Variants in PLEC observed in about 807,000 individuals in gnomAD.
PLEC encodes hemidesmosomal protein 1.
Under a neutral mutation model 392.8 loss-of-function variants are expected in PLEC, and 216 were observed. That is an observed-to-expected ratio of 0.55 (90% CI 0.49 to 0.62). The LOEUF (loss-of-function observed/expected upper bound fraction) is 0.62, where lower values mean the gene tolerates loss of function less well. PLEC is among the 20% of genes least tolerant of loss of function. The pLI is 0.00. For synonymous variants in PLEC, 3,621 were observed against 2,980.6 expected (o/e 1.21, Z -7.00); for missense variants, 6,863 against 6,563.4 (o/e 1.05, Z -1.58).
chr8:143,972,743 G>A (rs1833494496), intron 1 of PLEC, among the ~76,000 whole-genome samples: 1 of 152,246 alleles, frequency 6.6e-6, no homozygotes, highest in Non-Finnish European at 1.5e-5. Flanking sequence ...AGAATGGCCG[G>A]TGGGACCAGG....
In PLEC at chr8:143,923,842, C is replaced by T. The variant is rs781862804; in HGVS notation, c.6087G>A (p.Glu2029=). The T allele has an allele frequency of 1.9e-6, 3 of 1,588,840 alleles. No individual in the cohort carries two copies. The highest frequency in any genetic ancestry group is 2.6e-6 in the Non-Finnish European group (3 of 1,175,414). The change falls in exon 31 of 32, where the codon GAG becomes GAA. Residue 2029 remains glutamate, a synonymous_variant. Transcript: ENST00000345136. ...EEARRLRERA[E]QESARQLQLA... ...GCTGCAGCTGCCGCGCCGACTCCTG[C>T]TCCGCTCGCTCCCGCAGGCGCCGCG...
At chr8:143,965,364 G>C (rs1160995117) in intron 1 of PLEC, among the ~76,000 whole-genome samples, 1 of 151,578 alleles carries the variant, frequency 6.6e-6, no homozygotes, top group East Asian at 1.9e-4. Context: ...AAGTCCTACA[G>C]GATCCTGTCT....
At chr8:143,937,600 C>T in intron 3 of PLEC, 1 of 504,150 alleles carries the variant, frequency 2.0e-6, no homozygotes, top group Non-Finnish European at 3.8e-6. Context: ...CTCTGGGCAG[C>T]ACGGTGGACG....
intron 1 of PLEC, among the ~76,000 whole-genome samples, chr8:143,966,173 C>T (rs1426891801): frequency 6.6e-6 from 1 of 152,224 alleles, no homozygotes; most frequent in African/African-American, 2.4e-5. Context: ...CGTGGCCCTG[C>T]TTCCTCACGC....
chr8:143,924,814 C>A lies in PLEC; in HGVS notation c.5115G>T (p.Ala1705=). 6 of 1,540,592 alleles carry A rather than the reference C, an allele frequency of 3.9e-6. No homozygotes were observed. The highest frequency in any genetic ancestry group is 5.2e-6 in the Non-Finnish European group (6 of 1,149,846). ...EKQRQLAEGT[A]QQRLAAEQEL... Reference sequence around the variant, plus strand: ...CCTGCTCCGCGGCCAGGCGCTGCTGCGCGGTGCCTTCCGCCAGCTGCCGCT... The same window carrying A: ...CCTGCTCCGCGGCCAGGCGCTGCTGAGCGGTGCCTTCCGCCAGCTGCCGCT... The change falls in exon 31 of 32, where the codon GCG becomes GCT. Residue 1705 remains alanine, a synonymous_variant. Coordinates refer to ENST00000345136, the MANE Select transcript of PLEC (RefSeq NM_201384.3).
chr8:143,915,867 C>T lies in PLEC; in HGVS notation c.*310G>A, dbSNP rs1309230617. 1.3e-5 allele frequency: 3 copies of T among 238,650 alleles called. No homozygotes were observed. Among genetic ancestry groups the T allele is most frequent in the African/African-American group, 6.0e-5 (2 of 33,346 alleles). 14.8% of individuals were successfully genotyped at this position (238,650 alleles called of 1,614,324 possible). On this transcript the variant is annotated 3_prime_UTR_variant, in exon 32 of 32. Coordinates refer to ENST00000345136, the MANE Select transcript of PLEC (RefSeq NM_201384.3). ...CAGCTAGGACTGGCAGGCGGGCTAC[C>T]CTGGGAAGACAGGAGGGTGGGCTGG...
At position 143,935,052 on chromosome 8, in the gene PLEC, T is replaced by C. The variant is rs369229136; in HGVS notation, c.784A>G (p.Met262Val). 2.6e-5 allele frequency: 42 copies of C among 1,612,794 alleles called. No individual in the cohort carries two copies. Among genetic ancestry groups the C allele is most frequent in the Non-Finnish European group, 3.5e-5 (41 of 1,179,904 alleles). The change falls in exon 8 of 32, where the codon ATG becomes GTG. Residue 262 changes from methionine to valine, a missense_variant. By Grantham distance (21) the Met-to-Val change is conservative. Coordinates refer to ENST00000345136, the MANE Select transcript of PLEC (RefSeq NM_201384.3). The part of the protein sequence containing the change: ...ITYVSSLYDA[M>V]PRVPDVQDGV... ...TCCTGCACGTCCGGCACGCGGGGCA[T>C]GGCGTCATACAGCGACGAGACGTAG...
chr8:143,920,596 C>T lies in PLEC; in HGVS notation c.9225G>A (p.Arg3075=). The change falls in exon 32 of 32, where the codon CGG becomes CGA. Residue 3075 remains arginine (R), a synonymous_variant. Transcript: ENST00000345136. ...CACGCACTGCCTCGTCCACGGTCAGCCGGGCGCTGGTGGCGGGGTCGATGA... is the reference window on the plus strand; with the variant it reads ...CACGCACTGCCTCGTCCACGGTCAGTCGGGCGCTGGTGGCGGGGTCGATGA... The part of the protein sequence containing the change: ...GHIIDPATSA[R]LTVDEAVRAG... 2 of 1,609,878 alleles carry T rather than the reference C, an allele frequency of 1.2e-6. No individual in the cohort carries two copies. Among genetic ancestry groups the T allele is most frequent in the Non-Finnish European group, 1.7e-6 (2 of 1,179,874 alleles).
Position 143,919,852 on chromosome 8 carries a change from G to A in PLEC, c.9969C>T (p.Leu3323=), listed in dbSNP as rs781857020. 3 of 1,613,140 alleles carry A rather than the reference G, an allele frequency of 1.9e-6. No homozygotes were observed. The highest frequency in any genetic ancestry group is 2.2e-5 in the South Asian group (2 of 91,084). ...PASELLASGV[L]SRAQFEQLKD... is the part of the protein sequence containing the mutation. ...TGAGCTGCTCAAACTGGGCTCTGCTGAGGACCCCGGAAGCCAGGAGCTCGC... is the reference window on the plus strand; with the variant it reads ...TGAGCTGCTCAAACTGGGCTCTGCTAAGGACCCCGGAAGCCAGGAGCTCGC... Residue 3323 remains leucine, a synonymous_variant, in exon 32 of 32, where the codon CTC becomes CTT. Coordinates refer to ENST00000345136, the MANE Select transcript of PLEC (RefSeq NM_201384.3).
chr8:143,944,235 G>A (rs931257422), upstream of PLEC, among the ~76,000 whole-genome samples: 43 of 152,064 alleles, frequency 2.8e-4, no homozygotes, highest in African/African-American at 8.4e-4. Context: ...CCAGCCGCAC[G>A]CCTGGCCAAG....
upstream of PLEC, chr8:143,939,689 G>A (rs1474592113): frequency 4.4e-6 from 6 of 1,366,292 alleles, no homozygotes; most frequent in Non-Finnish European, 5.7e-6. Flanking sequence ...GCCAGGGAGG[G>A]GAGTGTCCCG....
rs199849878 is a variant in PLEC at position 143,918,619 on chromosome 8, C to T, written c.11202G>A (p.Leu3734=). The T allele has an allele frequency of 6.2e-7, 1 of 1,612,826 alleles. No homozygotes were observed. Among genetic ancestry groups the T allele is most frequent in the African/African-American group, 1.3e-5 (1 of 75,054 alleles). ...TCAGCCGCTCCCCCTTCACCGGGTC[C>T]AGCAGGAAGCCTGTGGCTGCCTGTG... is the stretch of plus-strand genomic sequence containing the variant. The part of the protein sequence containing the change: ...LEAQAATGFL[L]DPVKGERLTV... The change falls in exon 32 of 32, where the codon CTG becomes CTA. Residue 3734 remains leucine (L), a synonymous_variant. Coordinates refer to ENST00000345136, the MANE Select transcript of PLEC (RefSeq NM_201384.3).
In PLEC at chr8:143,923,972, G is replaced by A. The variant is rs1489480420; in HGVS notation, c.5957C>T (p.Ala1986Val). ...CAGGCTCTTCTGCACGCGCTCCTCA[G>A]CCTCACGGCGCCGCCGCTCCTCCTC... ...AAEEERRRRE[A>V]EERVQKSLAA... The change falls in exon 31 of 32, where the codon GCT becomes GTT. Residue 1986 changes from alanine to valine, a missense_variant. Coordinates refer to ENST00000345136, the MANE Select transcript of PLEC (RefSeq NM_201384.3). 6.3e-7 allele frequency: 1 copy of A among 1,584,242 alleles called. No homozygotes were observed. The highest frequency in any genetic ancestry group is 1.3e-5 in the African/African-American group (1 of 74,470).
chr8:143,973,537 CGGCCGCGCGCGCCGCTTAAAGA>C (rs1833544930), upstream of PLEC: 3 of 1,163,546 alleles, frequency 2.6e-6, no homozygotes, highest in African/African-American at 3.3e-5. This position sits in a 1 kb window ranked among gnomAD's most constrained non-coding sequence, Gnocchi z 5.6. Context: ...TCTGTCCCCG[CGGCCGCGCGCGCCGCTTAAAGA>C]GGCCGCCCCC....
rs1554678662 is a variant in PLEC at position 143,919,558 on chromosome 8, C to A, written c.10263G>T (p.Glu3421Asp). ...CGGCAGACAGCAGCTGCTCGTGAAG[C>A]TCGGGGCCCACCACGCCCGCCTTCA... ...EAVKAGVVGP[E>D]LHEQLLSAEK... Residue 3421 changes from glutamate (E) to aspartate (D), a missense_variant, in exon 32 of 32, where the codon GAG becomes GAT. Transcript: ENST00000345136. 1 of 1,608,246 alleles carries A rather than the reference C, an allele frequency of 6.2e-7. No homozygotes were observed.
rs782449006 is a variant in PLEC at position 143,938,201 on chromosome 8, C to G, written c.214G>C (p.Asp72His). ...AGCAGGGAGATGAGGTTGTGGCCATCGCGGAGGTCTTCATACAGGTCACTG... is the reference window on the plus strand; with the variant it reads ...AGCAGGGAGATGAGGTTGTGGCCATGGCGGAGGTCTTCATACAGGTCACTG... Reference protein sequence around the residue: ...HISDLYEDLRDGHNLISLLEV... With the variant: ...HISDLYEDLRHGHNLISLLEV... The change falls in exon 3 of 32, where the codon GAT becomes CAT. Residue 72 changes from aspartate to histidine, a missense_variant. Asp to His is a moderately conservative substitution (Grantham distance 81). Coordinates refer to ENST00000345136, the MANE Select transcript of PLEC (RefSeq NM_201384.3). 6.2e-7 allele frequency: 1 copy of G among 1,608,252 alleles called. No homozygotes were observed. Among genetic ancestry groups the G allele is most frequent in the East Asian group, 2.2e-5 (1 of 44,740 alleles).
chr8:143,941,536 G>A (rs1244448318), upstream of PLEC, among the ~76,000 whole-genome samples: 3 of 152,060 alleles, frequency 2.0e-5, no homozygotes, highest in Admixed American at 2.0e-4. Flanking sequence ...GGGCAGGGCT[G>A]GGACCAGGTG....
chr8:143,917,837 A>G lies in PLEC; in HGVS notation c.11984T>C (p.Ile3995Thr). ...LTVEEAVRMG[I>T]VGPEFKDKLL... ...CTTGTCCTTGAACTCGGGGCCCACA[A>G]TGCCCATACGCACAGCCTCCTCCAC... Residue 3995 changes from isoleucine (I) to threonine (T), a missense_variant, in exon 32 of 32, where the codon ATT becomes ACT. Ile to Thr is a moderately conservative substitution (Grantham distance 89). Transcript: ENST00000345136. 4.3e-6 allele frequency: 7 copies of G among 1,613,288 alleles called. No homozygotes were observed. Among genetic ancestry groups the G allele is most frequent in the Non-Finnish European group, 5.9e-6 (7 of 1,179,964 alleles).
chr8:143,976,446 G>C (rs1185353889), upstream of PLEC, among the ~76,000 whole-genome samples: 1 of 152,086 alleles, frequency 6.6e-6, no homozygotes, highest in Non-Finnish European at 1.5e-5. Context: ...GGCCGCCCCG[G>C]TTGCAGCCCC....
Sources: gnomAD v4.1 joint callset for allele counts (sites outside exome capture counted in the v4.1 genomes callset) on GRCh38, gnomAD v4.1.1 for gene constraint, Gnocchi (gnomAD v3.1) non-coding constraint, MANE v1.5 for transcripts, NCBI Gene and HGNC (gene_info 2026-07-23, HGNC 2026-07-21) for gene names.